Variants in MPRIP observed in about 807,000 individuals in gnomAD.
MPRIP encodes the protein myosin phosphatase Rho interacting protein.
MPRIP carries 59 observed loss-of-function variants against 234.9 expected under a neutral mutation model. That is an observed-to-expected ratio of 0.25 (90% CI 0.20 to 0.31). The LOEUF is 0.31. Ranked by LOEUF, MPRIP falls within the 10% of genes least tolerant of loss-of-function variation. The pLI is 1.00. For missense variants in MPRIP, 2,436 were observed against 3,071.0 expected, an observed-to-expected ratio of 0.79 and a Z score of 4.89; for synonymous variants, 1,144 against 1,263.9, an observed-to-expected ratio of 0.91 and a Z score of 2.01.
At position 17,164,324 on chromosome 17, in the gene MPRIP, T is replaced by A. The variant is rs200022863; in HGVS notation, c.2733T>A (p.Ala911=). Residue 911 remains alanine, a synonymous_variant, in exon 16 of 24, where the codon GCT becomes GCA. Transcript: ENST00000651222. ...AGGCACGGCTCAGCAATGCGGCCGCTGAGCTAGCCATCAAGGAGCAGGCGC... is the reference window on the plus strand; with the variant it reads ...AGGCACGGCTCAGCAATGCGGCCGCAGAGCTAGCCATCAAGGAGCAGGCGC... The part of the protein sequence containing the change: ...SLQARLSNAA[A]ELAIKEQALA... 3.0e-3 allele frequency: 3,972 copies of A among 1,303,470 alleles called. 12 individuals are homozygous for A. Among genetic ancestry groups the A allele is most frequent in the Middle Eastern group, 9.0e-3 (42 of 4,652 alleles). The allele number at this position is 1,303,470 out of a possible 1,614,324, so 80.7% of individuals were successfully genotyped here.
In MPRIP at chr17:17,176,150, C is replaced by A. The variant is rs533105804; in HGVS notation, c.6871-276C>A. Among the ~76,000 whole-genome samples the A allele has an allele frequency of 2.3e-3, 355 of 152,298 alleles. 4 individuals are homozygous for A. The highest frequency in any genetic ancestry group is 1.1e-3 in the Non-Finnish European group (74 of 68,026). The stretch of plus-strand genomic sequence containing the variant: ...ATTTCCTGATTCTCGCGGGCTTGGT[C>A]CCCAGAGACAAGCAGGTCTAGTTCA... On this transcript the variant is annotated intron_variant, in intron 20 of 23. Coordinates refer to ENST00000651222, the MANE Select transcript of MPRIP (RefSeq NM_001364716.4).
intron 11 of MPRIP, among the ~76,000 whole-genome samples, chr17:17,147,967 T>C (rs1416191096): frequency 6.6e-6 from 1 of 152,208 alleles, no homozygotes; most frequent in East Asian, 1.9e-4. Context: ...CTTTGCCTTT[T>C]CCCCAGTAGT....
intron 1 of MPRIP, among the ~76,000 whole-genome samples, chr17:17,055,521 C>A (rs1222790847): frequency 1.3e-5 from 2 of 152,128 alleles, no homozygotes; most frequent in African/African-American, 2.4e-5. Context: ...TCCACCCTAC[C>A]CCCAGCCTTT....
rs772542387 is a variant in MPRIP, at chr17:17,158,934, C to T, written c.2332C>T (p.His778Tyr). The change falls in exon 14 of 24, where the codon CAC (histidine) becomes TAC (tyrosine). Residue 778 changes from histidine (H) to tyrosine (Y), a missense_variant. By Grantham distance (83) the His-to-Tyr change is moderately conservative (BLOSUM62 2). Coordinates refer to ENST00000651222, the MANE Select transcript of MPRIP (RefSeq NM_001364716.4). ...EEKQVPIAPVHLSSEDGGDRL... is the reference protein window; with the variant it reads ...EEKQVPIAPVYLSSEDGGDRL... ...GAAGCAGGTGCCCATCGCCCCCGTC[C>T]ACCTGTCTTCTGAAGATGGGGGTGA... The T allele has an allele frequency of 6.4e-5, 104 of 1,612,756 alleles. No individual in the cohort carries two copies. The highest frequency in any genetic ancestry group is 8.7e-5 in the Non-Finnish European group (103 of 1,179,988).
At chr17:17,134,557 T>C (rs909140663) in intron 5 of MPRIP, among the ~76,000 whole-genome samples, 2 of 152,190 alleles carry the variant, frequency 1.3e-5, no homozygotes, top group Admixed American at 1.3e-4. Flanking sequence ...AGCCCTAAGC[T>C]GAGTAGGTGG....
At chr17:17,067,154 TTTTC>T (rs1334994330) in intron 1 of MPRIP, among the ~76,000 whole-genome samples, 5 of 152,214 alleles carry the variant, frequency 3.3e-5, no homozygotes, top group Admixed American at 6.5e-5. Context: ...ATGAATTTCT[TTTTC>T]TTTCTCAATT....
At position 17,187,302 on chromosome 17, in the gene MPRIP, G is replaced by C. The variant is rs1319175970; in HGVS notation, c.*2408G>C. On this transcript the variant is annotated 3_prime_UTR_variant, in exon 24 of 24. Coordinates refer to ENST00000651222, the MANE Select transcript of MPRIP (RefSeq NM_001364716.4). ...TGAGGGGTCAGAGACAGGCCAGCAG[G>C]GCGTCTGCATTCCTCCCTGCCACAG... 6.6e-6 allele frequency: 1 copy of C among 152,246 alleles called. No individual in the cohort carries two copies. Among genetic ancestry groups the C allele is most frequent in the African/African-American group, 2.4e-5 (1 of 41,450 alleles). The allele number at this position is 152,246 out of a possible 1,614,324, so 9.4% of individuals were successfully genotyped here. A position where few individuals can be genotyped will look rare whatever the true frequency, so the allele number is the denominator to read the frequency against.
intron 1 of MPRIP, among the ~76,000 whole-genome samples, chr17:17,068,442 G>A (rs1352147866): frequency 2.0e-5 from 3 of 151,866 alleles, no homozygotes; most frequent in East Asian, 3.9e-4. Flanking sequence ...GAACCACCGC[G>A]CCTGGCTGAA....
intron 3 of MPRIP, among the ~76,000 whole-genome samples, chr17:17,125,180 A>T (rs975054093): frequency 6.6e-6 from 1 of 152,198 alleles, no homozygotes; most frequent in South Asian, 2.1e-4. Context: ...CACTCCACTG[A>T]TGGAGAGCAC....
At chr17:17,148,170 A>G (rs751797947) in intron 11 of MPRIP, among the ~76,000 whole-genome samples, 1 of 152,200 alleles carries the variant, frequency 6.6e-6, no homozygotes, top group Non-Finnish European at 1.5e-5. Flanking sequence ...AGTGATAAGA[A>G]GTAGGGGTAG....
At chr17:17,071,710 G>T (rs987051006) in intron 1 of MPRIP, among the ~76,000 whole-genome samples, 2 of 152,158 alleles carry the variant, frequency 1.3e-5, no homozygotes, top group African/African-American at 4.8e-5. Flanking sequence ...GAGTTTAATT[G>T]GAGAGGAGGT....
chr17:17,110,815 A>G (rs2090154027), intron 3 of MPRIP, among the ~76,000 whole-genome samples: 1 of 152,220 alleles, frequency 6.6e-6, no homozygotes, highest in Admixed American at 6.5e-5. Flanking sequence ...AAGGTCACCC[A>G]AAACACAGAA....
intron 1 of MPRIP, among the ~76,000 whole-genome samples, chr17:17,062,080 G>A (rs1027010432): frequency 6.6e-6 from 1 of 151,952 alleles, no homozygotes; most frequent in Admixed American, 6.5e-5. Context: ...GCCACACATC[G>A]AGTAGGTGGT....
In MPRIP at chr17:17,185,377, T is replaced by C; in HGVS notation, c.*483T>C. On this transcript the variant is annotated 3_prime_UTR_variant, in exon 24 of 24. Transcript: ENST00000651222. ...AGCACTGACTCCTCACCCGCTAGTCTGGCTGTTAAGAGGAGAAAGTGCACT... is the reference window on the plus strand; with the variant it reads ...AGCACTGACTCCTCACCCGCTAGTCCGGCTGTTAAGAGGAGAAAGTGCACT... The C allele has an allele frequency of 2.5e-6, 1 of 397,302 alleles. No individual in the cohort carries two copies. The highest frequency in any genetic ancestry group is 5.1e-6 in the Non-Finnish European group (1 of 197,976). The allele number at this position is 397,302 out of a possible 1,614,324, so 24.6% of individuals were successfully genotyped here. A position where few individuals can be genotyped will look rare whatever the true frequency, so the allele number is the denominator to read the frequency against.
rs142755253 is a variant in MPRIP, at chr17:17,099,857, A to G, written c.267+21781A>G. 5.0e-3 allele frequency among the ~76,000 whole-genome samples: 759 copies of G among 152,368 alleles called. 6 individuals carry two copies. The highest frequency in any genetic ancestry group is 0.017 in the African/African-American group (716 of 41,586). ...TCTGCTGTCCCAAGTGTTTTTCCCA[A>G]TTATAAAACTAACATATGTCTTGTA... is the stretch of plus-strand genomic sequence containing the variant. On this transcript the variant is annotated intron_variant, in intron 3 of 23. Transcript: ENST00000651222.
At chr17:17,091,230 C>T (rs923966816) in intron 3 of MPRIP, among the ~76,000 whole-genome samples, 3 of 152,034 alleles carry the variant, frequency 2.0e-5, no homozygotes, top group Non-Finnish European at 4.4e-5. Flanking sequence ...ACCCAGAGGC[C>T]GTTCTAGCTG....
chr17:17,068,913 G>T (rs2089123999), intron 1 of MPRIP, among the ~76,000 whole-genome samples: 1 of 152,018 alleles, frequency 6.6e-6, no homozygotes, highest in African/African-American at 2.4e-5. Context: ...CTAGGTTCTT[G>T]AGATAGAAGC....
chr17:17,179,442 C>T (rs2046326518), intron 22 of MPRIP: 1 of 147,516 alleles, frequency 6.8e-6, no homozygotes, highest in East Asian at 1.9e-4. Context: ...GAGCAAGACT[C>T]CATCTCAAAA....
chr17:17,153,809 A>G (rs143059031), intron 12 of MPRIP, among the ~76,000 whole-genome samples: 147 of 152,216 alleles, frequency 9.7e-4, no homozygotes, highest in African/African-American at 3.4e-3. Flanking sequence ...CAAGACCCTG[A>G]TACCCCTTGT....
Sources: gnomAD v4.1 joint callset for allele counts (sites outside exome capture counted in the v4.1 genomes callset) on GRCh38, gnomAD v4.1.1 for gene constraint, MANE v1.5 for transcripts, NCBI Gene and HGNC (gene_info 2026-07-23, HGNC 2026-07-21) for gene names.